The following ZMYM6 variants were observed in gnomAD, a reference collection of about 807,000 sequenced individuals.
ZMYM6 encodes zinc finger MYM-type protein 6.
A neutral mutation model predicts 134.0 loss-of-function variants in ZMYM6; 90 were observed. The observed-to-expected ratio is 0.67, with a 90% CI of 0.57 to 0.80. The LOEUF (loss-of-function observed/expected upper bound fraction) is 0.80. Among genes scored for constraint, ZMYM6 ranks in the 30% least tolerant of loss-of-function variants. The pLI is 0.00. For synonymous variants in ZMYM6, 481 were observed against 524.1 expected (o/e 0.92, Z 1.12); for missense variants, 1,362 against 1,533.9 (o/e 0.89, Z 1.87).
chr1:35,016,182 C>T (rs1008394500), intron 4 of ZMYM6, among the ~76,000 whole-genome samples: 1 of 152,058 alleles, frequency 6.6e-6, no homozygotes, highest in Non-Finnish European at 1.5e-5. Context: ...AATTCCTGAC[C>T]TCGCGATCCG....
intron 12 of ZMYM6, among the ~76,000 whole-genome samples, chr1:35,006,463 C>T (rs1640968985): frequency 6.6e-6 from 1 of 152,088 alleles, no homozygotes; most frequent in Non-Finnish European, 1.5e-5. Flanking sequence ...ACTTTGCTAC[C>T]CATGAAGAAC....
intron 14 of ZMYM6, among the ~76,000 whole-genome samples, chr1:35,000,199 G>A (rs1640856106): frequency 6.6e-6 from 1 of 151,952 alleles, no homozygotes; most frequent in African/African-American, 2.4e-5. Flanking sequence ...AAAGTGCTGG[G>A]ATTACAGGCG....
chr1:35,004,797 C>T (rs1640936483), intron 13 of ZMYM6, among the ~76,000 whole-genome samples: 1 of 152,078 alleles, frequency 6.6e-6, no homozygotes, highest in Non-Finnish European at 1.5e-5. Context: ...GTGGCTCACA[C>T]CTGTAATCCC....
Position 34,988,098 on chromosome 1 carries a change from G to T in ZMYM6, c.2984C>A (p.Ala995Glu). 1 of 1,551,386 alleles carries T rather than the reference G, an allele frequency of 6.4e-7. No individual in the cohort carries two copies. Among genetic ancestry groups the T allele is most frequent in the Non-Finnish European group, 8.7e-7 (1 of 1,146,974 alleles). ...ATTCATGGCAACTTCTTGAATTTTT[G>T]CTTTTAAACCAGAATACCTGCCAGT... Reference protein sequence around the residue: ...SMTGRYSGLKAKIQEVAMNTA... With the variant: ...SMTGRYSGLKEKIQEVAMNTA... Residue 995 changes from alanine (A) to glutamate (E), a missense_variant, in exon 16 of 16, where the codon GCA becomes GAA. Coordinates refer to ENST00000357182, the MANE Select transcript of ZMYM6 (RefSeq NM_007167.4).
intron 14 of ZMYM6, among the ~76,000 whole-genome samples, chr1:34,994,616 GA>G (rs753952571): frequency 1.3e-5 from 2 of 152,096 alleles, no homozygotes; most frequent in African/African-American, 2.4e-5. Context: ...AATGTGATGG[GA>G]AGCCATTGGA....
intron 13 of ZMYM6, among the ~76,000 whole-genome samples, chr1:35,004,687 C>T (rs564110223): frequency 6.6e-6 from 1 of 152,264 alleles, no homozygotes; most frequent in South Asian, 2.1e-4. Context: ...TTGCTACCCA[C>T]TCCCCTGAGG....
In ZMYM6 at chr1:35,010,041, C is replaced by T. The variant is rs147198964; in HGVS notation, c.1492+406G>A. Among the ~76,000 whole-genome samples the T allele has an allele frequency of 1.6e-3, 249 of 151,784 alleles. 1 individual carries two copies. Among genetic ancestry groups the T allele is most frequent in the African/African-American group, 5.7e-3 (236 of 41,386 alleles). On this transcript the variant is annotated intron_variant, in intron 10 of 15. Coordinates refer to ENST00000357182, the MANE Select transcript of ZMYM6 (RefSeq NM_007167.4). ...TTTTTTTTTTTGGAGACAAGAGTTTCGCTCGTCGCCCAGGCTGCAGTGCAA... is the reference window on the plus strand; with the variant it reads ...TTTTTTTTTTTGGAGACAAGAGTTTTGCTCGTCGCCCAGGCTGCAGTGCAA...
Position 34,988,544 on chromosome 1 carries a change from G to C in ZMYM6, c.2538C>G (p.Phe846Leu). ...GTTTAATTAATTCTTCAGCAATGGA[G>C]AATGGCTTCTTGCTTGCAGCAGTTT... ...AFQTAASKKP[F>L]SIAEELIKPY... Residue 846 changes from phenylalanine to leucine, a missense_variant, in exon 16 of 16, where the codon TTC becomes TTG. Physicochemically the swap from Phe to Leu is conservative, Grantham distance 22 (BLOSUM62 0). This residue lies in a region of ZMYM6 where 824 missense variants were observed against 940.9 expected (regional missense o/e 0.88). Transcript: ENST00000357182. The C allele has an allele frequency of 6.4e-7, 1 of 1,551,320 alleles. No homozygotes were observed. Among genetic ancestry groups the C allele is most frequent in the Non-Finnish European group, 8.7e-7 (1 of 1,146,886 alleles).
intron 14 of ZMYM6, among the ~76,000 whole-genome samples, chr1:34,995,470 G>A (rs1640768885): frequency 6.6e-6 from 1 of 151,604 alleles, no homozygotes; most frequent in African/African-American, 2.4e-5. Flanking sequence ...AGGCATAAGA[G>A]GTTAACAGTA....
intron 6 of ZMYM6, 38 bp from the exon 7 acceptor site, chr1:35,012,619 C>T: frequency 6.2e-7 from 1 of 1,601,754 alleles, no homozygotes. Flanking sequence ...CTAGTACAAA[C>T]ATACATATTT....
chr1:35,021,849 A>G (rs1285094627), intron 2 of ZMYM6, among the ~76,000 whole-genome samples: 4 of 152,208 alleles, frequency 2.6e-5, no homozygotes, highest in Non-Finnish European at 5.9e-5. Flanking sequence ...AAACATTTTT[A>G]AAATGTAAAT....
rs775253571 is a variant in ZMYM6 at position 34,987,223 on chromosome 1, C to A, written c.3859G>T (p.Ala1287Ser). ...PFSTVYLCDAAFSALTESKQK... is the reference protein window; with the variant it reads ...PFSTVYLCDASFSALTESKQK... ...TTTGACTCAGTCAAAGCTGAAAAGG[C>A]AGCATCACATAAATAAACAGTTGAA... Residue 1287 changes from alanine (A) to serine (S), a missense_variant, in exon 16 of 16, where the codon GCC (alanine) becomes TCC (serine). Around this residue, in one of 3 missense-constraint regions of ZMYM6, gnomAD observed 824 missense variants for 940.9 expected, o/e 0.88. Coordinates refer to ENST00000357182, the MANE Select transcript of ZMYM6 (RefSeq NM_007167.4). The A allele has an allele frequency of 1.2e-6, 2 of 1,613,788 alleles. No individual in the cohort carries two copies.
intron 6 of ZMYM6, among the ~76,000 whole-genome samples, chr1:35,013,992 C>A (rs533680219): frequency 6.6e-6 from 1 of 152,244 alleles, no homozygotes; most frequent in Non-Finnish European, 1.5e-5. Context: ...GCCGGCCTTA[C>A]AAGATACTTC....
At chr1:35,013,441 C>T (rs932973110) in intron 6 of ZMYM6, 10 of 983,886 alleles carry the variant, frequency 1.0e-5, no homozygotes, top group Non-Finnish European at 1.2e-5. Flanking sequence ...AGTAAAAAGA[C>T]AGAGTACAAT....
intron 13 of ZMYM6, among the ~76,000 whole-genome samples, chr1:35,004,828 C>T (rs2148449773): frequency 6.6e-6 from 1 of 152,076 alleles, no homozygotes; most frequent in South Asian, 2.1e-4. Flanking sequence ...GAGGCCGAGG[C>T]AGGTGGCTCA....
chr1:35,027,517 G>A (rs1483659386), intron 2 of ZMYM6, among the ~76,000 whole-genome samples: 1 of 152,162 alleles, frequency 6.6e-6, no homozygotes, highest in African/African-American at 2.4e-5. Context: ...GGGAGGCCAA[G>A]GCAGGAGGAT....
In ZMYM6 at chr1:35,015,743, A is replaced by AAAAATATATATATATAT; in HGVS notation, c.429-582_429-581insATATATATATATATTTT. On this transcript the variant is annotated intron_variant, in intron 4 of 15. Transcript: ENST00000357182. Reference sequence around the variant, plus strand: ...CATCTCAAAAAAAAAAAAAAAAAAAAATATATATATATATATATGTGGCCA... The same window carrying AAAAATATATATATATAT: ...CATCTCAAAAAAAAAAAAAAAAAAAAAAAATATATATATATATATATATATATATATATATGTGGCCA... Among the ~76,000 whole-genome samples, 5 of 106,468 alleles carry AAAAATATATATATATAT rather than the reference A, an allele frequency of 4.7e-5. No individual in the cohort carries two copies. In the South Asian group the frequency reaches 1.3e-3, roughly 28 times the overall value. The allele number at this position is 106,468 out of a possible 152,430, so 69.8% of individuals were successfully genotyped here. A position where few individuals can be genotyped will look rare whatever the true frequency, so the allele number is the denominator to read the frequency against.
At chr1:35,011,283 G>T (rs1369053754) in intron 8 of ZMYM6, among the ~76,000 whole-genome samples, 1 of 152,084 alleles carries the variant, frequency 6.6e-6, no homozygotes, top group Non-Finnish European at 1.5e-5. Context: ...TAATAAATTA[G>T]AGCAGGCCTC....
At position 35,019,453 on chromosome 1, in the gene ZMYM6, C is replaced by A; in HGVS notation, c.328G>T (p.Gly110Ter). ...YKGQTAYHKT[G>*]STQLFCSTRC... ...GTGGAGCAGAAGAGCTGAGTAGATCCTGTCTTATGATATGCAGTTTGGCCC... is the reference window on the plus strand; with the variant it reads ...GTGGAGCAGAAGAGCTGAGTAGATCATGTCTTATGATATGCAGTTTGGCCC... The change falls in exon 4 of 16, where the codon GGA becomes TGA. Residue 110 changes from glycine (G) to a stop codon, truncating the protein, a stop_gained. Transcript: ENST00000357182. LOFTEE classifies it high-confidence loss of function. The A allele has an allele frequency of 2.5e-6, 4 of 1,614,084 alleles. No homozygotes were observed. The highest frequency in any genetic ancestry group is 3.4e-6 in the Non-Finnish European group (4 of 1,180,004).
Sources: gnomAD v4.1 joint callset for allele counts (sites outside exome capture counted in the v4.1 genomes callset) on GRCh38, gnomAD v4.1.1 for gene constraint, gnomAD v4.1.1 regional missense constraint, MANE v1.5 for transcripts, NCBI Gene and HGNC (gene_info 2026-07-23, HGNC 2026-07-21) for gene names.